The following PPP2R5C variants were observed in gnomAD, a reference collection of about 807,000 sequenced individuals.
The protein encoded by PPP2R5C is protein phosphatase 2 regulatory subunit B'gamma, also known as serine/threonine-protein phosphatase 2A 56 kDa regulatory subunit gamma isoform.
PPP2R5C carries 7 observed loss-of-function variants against 68.9 expected under a neutral mutation model. That is an observed-to-expected ratio of 0.10 (90% confidence interval 0.06 to 0.19). The LOEUF is 0.19. Ranked by LOEUF, PPP2R5C falls within the 10% of genes least tolerant of loss-of-function variation. The probability of loss-of-function intolerance (pLI) is 1.00; values close to 1 mark genes in which losing one functional copy is unlikely to be tolerated. For missense variants in PPP2R5C, 348 were observed against 641.3 expected (o/e 0.54, Z 4.94); for synonymous variants, 210 against 222.2 (o/e 0.95, Z 0.49).
chr14:101,862,638 A>G (rs1410407732), intron 2 of PPP2R5C, among the ~76,000 whole-genome samples: 2 of 152,172 alleles, frequency 1.3e-5, no homozygotes, highest in Non-Finnish European at 2.9e-5. Context: ...CTTTCATCCT[A>G]TATTTCAACC....
chr14:101,901,719 G>A (rs1174982169), exon 9 of PPP2R5C: 3 of 1,613,034 alleles, frequency 1.9e-6, no homozygotes, highest in South Asian at 1.1e-5. Context: ...TCTTTTGTAG[G>A]TGGTGATGGC....
rs2043849276 is a variant in PPP2R5C at position 101,877,374 on chromosome 14, A to T, written c.295-4787A>T. Among the ~76,000 whole-genome samples, 1 of 152,120 alleles carries T rather than the reference A, an allele frequency of 6.6e-6. No individual in the cohort carries two copies. The highest frequency in any genetic ancestry group is 2.4e-5 in the African/African-American group (1 of 41,418). ...TGAGGCTGTGCTGCCTTTGTTGGGC[A>T]GCGTGATTCTGCGTCTGTGCCTCTG... On this transcript the variant is annotated intron_variant, in intron 2 of 13. Coordinates refer to ENST00000334743, the Ensembl canonical transcript of PPP2R5C. This position sits in a 1 kb window ranked among gnomAD's most constrained non-coding sequence, Gnocchi z 4.2.
chr14:101,890,764 C>CTTTTTTTT (rs368348255), intron 6 of PPP2R5C, among the ~76,000 whole-genome samples: 205 of 115,378 alleles, frequency 1.8e-3, no homozygotes, highest in Middle Eastern at 6.4e-3. Flanking sequence ...TTTAGTTGCC[C>CTTTTTTTT]TTTTTTTTTT....
Position 101,917,000 on chromosome 14 carries a change from A to G in PPP2R5C, c.1327-831A>G, listed in dbSNP as rs894857927. Among the ~76,000 whole-genome samples the G allele has an allele frequency of 1.3e-5, 2 of 152,108 alleles. No homozygotes were observed. Among genetic ancestry groups the G allele is most frequent in the Non-Finnish European group, 2.9e-5 (2 of 68,002 alleles). Reference sequence around the variant, plus strand: ...AGGCGCCCCACACAGTTCCCAGCTCACAGCAGACACAGATGCCACTTCCTT... The same window carrying G: ...AGGCGCCCCACACAGTTCCCAGCTCGCAGCAGACACAGATGCCACTTCCTT... On this transcript the variant is annotated intron_variant, in intron 12 of 13. Transcript: ENST00000334743. This position sits in a 1 kb window ranked among gnomAD's most constrained non-coding sequence, Gnocchi z 5.5.
At chr14:101,907,443 C>T (rs568520413) in intron 10 of PPP2R5C, among the ~76,000 whole-genome samples, 6 of 152,164 alleles carry the variant, frequency 3.9e-5, no homozygotes, top group African/African-American at 9.6e-5. Context: ...AGTGCTGGGA[C>T]GACGTGAGCC....
At chr14:101,764,003 TTGTGTG>T (rs3221573) in intron 2 of PPP2R5C, among the ~76,000 whole-genome samples, 18 of 137,222 alleles carry the variant, frequency 1.3e-4, no homozygotes, top group Non-Finnish European at 1.5e-4. Flanking sequence ...ATTGTTCACA[TTGTGTG>T]TGTGTGTGTG....
At chr14:101,921,403 T>C (rs1034227079) in intron 13 of PPP2R5C, 3 of 153,004 alleles carry the variant, frequency 2.0e-5, no homozygotes, top group South Asian at 2.0e-4. Context: ...TGGAGTCGTT[T>C]TCTGGAAATT....
At chr14:101,805,203 C>T (rs1159909819), upstream of PPP2R5C, among the ~76,000 whole-genome samples, 1 of 151,950 alleles carries the variant, frequency 6.6e-6, no homozygotes, top group Admixed American at 6.6e-5. Context: ...GTAGCTGGGC[C>T]TACAGGCACG....
intron 8 of PPP2R5C, among the ~76,000 whole-genome samples, chr14:101,898,461 A>C (rs1237423135): frequency 6.6e-6 from 1 of 152,150 alleles, no homozygotes; most frequent in Non-Finnish European, 1.5e-5. Context: ...AGTAACACAA[A>C]AGCAGAGAAT....
At chr14:101,848,603 C>G (rs556694331) in intron 1 of PPP2R5C, among the ~76,000 whole-genome samples, 38 of 152,094 alleles carry the variant, frequency 2.5e-4, no homozygotes, top group African/African-American at 9.2e-4. Context: ...GTCTTCTGGT[C>G]TCAGGTAGAT....
rs1184828779 is a variant in PPP2R5C, at chr14:101,915,553, A to G, written c.1327-2278A>G. Among the ~76,000 whole-genome samples the G allele has an allele frequency of 6.6e-6, 1 of 152,218 alleles. No homozygotes were observed. The highest frequency in any genetic ancestry group is 1.5e-5 in the Non-Finnish European group (1 of 68,042). The stretch of plus-strand genomic sequence containing the variant: ...GCTGTTGGTGGGTCCCATGAAGAGC[A>G]CTGCTTGTTGCCTGGAGTAGTCAAA... On this transcript the variant is annotated intron_variant, in intron 12 of 13. Coordinates refer to ENST00000334743, the Ensembl canonical transcript of PPP2R5C. This position sits in a 1 kb window ranked among gnomAD's most constrained non-coding sequence, Gnocchi z 4.2.
chr14:101,851,381 G>A (rs1228112068), intron 1 of PPP2R5C, among the ~76,000 whole-genome samples: 1 of 152,092 alleles, frequency 6.6e-6, no homozygotes, highest in Non-Finnish European at 1.5e-5. Flanking sequence ...CAGTGAGCCA[G>A]GATTATACCA....
intron 5 of PPP2R5C, among the ~76,000 whole-genome samples, chr14:101,887,905 G>A (rs528701952): frequency 3.9e-5 from 6 of 152,296 alleles, no homozygotes; most frequent in South Asian, 2.1e-4. Flanking sequence ...TGCTGAAAGA[G>A]TGAGAAACAC....
chr14:101,876,324 T>A (rs1487051776), intron 2 of PPP2R5C, among the ~76,000 whole-genome samples: 1 of 152,258 alleles, frequency 6.6e-6, no homozygotes, highest in East Asian at 1.9e-4. Context: ...AAACAGAGAA[T>A]AAATAACAGA....
intron 2 of PPP2R5C, among the ~76,000 whole-genome samples, chr14:101,873,625 C>T (rs752624913): frequency 6.6e-5 from 10 of 152,272 alleles, no homozygotes; most frequent in African/African-American, 2.4e-4. Flanking sequence ...CTTTTCCCAA[C>T]CTCTGGTAGT....
intron 5 of PPP2R5C, 139 bp downstream of exon 7, chr14:101,883,701 G>A: frequency 1.7e-6 from 2 of 1,175,420 alleles, no homozygotes; most frequent in Non-Finnish European, 2.4e-6. Context: ...TCATGTGCAG[G>A]TGGACCCCCT....
intron 1 of PPP2R5C, among the ~76,000 whole-genome samples, chr14:101,816,323 C>T (rs890269447): frequency 6.6e-6 from 1 of 152,146 alleles, no homozygotes; most frequent in Non-Finnish European, 1.5e-5. Context: ...TTCTCTCACT[C>T]ACATCTTGGA....
chr14:101,780,638 C>G (rs1227928893), intron 2 of PPP2R5C, among the ~76,000 whole-genome samples: 1 of 152,166 alleles, frequency 6.6e-6, no homozygotes, highest in South Asian at 2.1e-4. Flanking sequence ...TTGGTTAACA[C>G]ACTCCTCTCT....
chr14:101,772,111 C>G (rs754368104), intron 2 of PPP2R5C, among the ~76,000 whole-genome samples: 5 of 151,988 alleles, frequency 3.3e-5, no homozygotes, highest in Non-Finnish European at 5.9e-5. Context: ...CAAAATAATT[C>G]TTATGGGAGT....
Sources: allele counts gnomAD v4.1 joint callset (sites outside exome capture counted in the v4.1 genomes callset), GRCh38; gene constraint gnomAD v4.1.1; non-coding constraint Gnocchi (gnomAD v3.1); transcripts MANE v1.5; gene names NCBI Gene and HGNC (gene_info 2026-07-23, HGNC 2026-07-21).